The following SMCO2 variants were observed in gnomAD, a reference collection of about 807,000 sequenced individuals.
The protein encoded by SMCO2 is single-pass membrane protein with coiled-coil domains 2.
Under a neutral mutation model 29.5 loss-of-function variants are expected in SMCO2, and 25 were observed. The ratio of observed to expected loss-of-function variants is 0.85; its 90% CI spans 0.62 to 1.18. The LOEUF (loss-of-function observed/expected upper bound fraction) is 1.18, where lower values mean the gene tolerates loss of function less well. Among genes scored for constraint, SMCO2 ranks in the 50% most tolerant of loss-of-function variants. SMCO2 has a pLI of 0.00. For synonymous variants in SMCO2, 117 were observed against 123.3 expected (o/e 0.95, Z 0.34); for missense variants, 348 against 344.5 (o/e 1.01, Z -0.08).
chr12:27,481,370 A>T (rs1276974741), intron 4 of SMCO2, among the ~76,000 whole-genome samples: 1 of 152,272 alleles, frequency 6.6e-6, no homozygotes, highest in African/African-American at 2.4e-5. Flanking sequence ...AATGTGGACC[A>T]CTAGGGATCT....
At chr12:27,452,194 T>G in the SMCO2 span, among the ~76,000 whole-genome samples, 3 of 152,204 alleles carry the variant, frequency 2.0e-5, no homozygotes, top group Admixed American at 2.0e-4. Context: ...TTGTATAAAT[T>G]AAGTTTGTAT....
the SMCO2 span, among the ~76,000 whole-genome samples, chr12:27,431,703 G>A: frequency 6.6e-6 from 1 of 152,140 alleles, no homozygotes; most frequent in Admixed American, 6.5e-5. Flanking sequence ...AATGCTGCCA[G>A]GAGCATGGGT....
At chr12:27,484,849 C>T (rs1296441282) in intron 4 of SMCO2, among the ~76,000 whole-genome samples, 4 of 30,368 alleles carry the variant, frequency 1.3e-4, no homozygotes, top group African/African-American at 6.4e-4. Flanking sequence ...AAGACTCCAT[C>T]TCAAAAAAAA....
chr12:27,457,350 G>A, the SMCO2 span, among the ~76,000 whole-genome samples: 54 of 152,056 alleles, frequency 3.6e-4, no homozygotes, highest in Non-Finnish European at 6.8e-4. Flanking sequence ...TCTCATTGGG[G>A]CCCCCAAATT....
chr12:27,471,538 A>G (rs994372881), intron 2 of SMCO2, among the ~76,000 whole-genome samples: 1 of 152,158 alleles, frequency 6.6e-6, no homozygotes, highest in Non-Finnish European at 1.5e-5. Flanking sequence ...TCAAAAGCAT[A>G]CGAGAGGGAA....
chr12:27,475,762 A>G, intron 4 of SMCO2, 31 bp downstream of exon 5: 6 of 1,438,978 alleles, frequency 4.2e-6, no homozygotes, highest in Non-Finnish European at 5.5e-6. Flanking sequence ...TTGGTCATAA[A>G]ATAGCAGAAA....
At chr12:27,500,040 A>G (rs1296825079) in intron 7 of SMCO2, among the ~76,000 whole-genome samples, 1 of 150,708 alleles carries the variant, frequency 6.6e-6, no homozygotes, top group Non-Finnish European at 1.5e-5. Flanking sequence ...AGTTAAAAGA[A>G]TATTTTATTA....
At chr12:27,494,398 A>T in intron 6 of SMCO2, 42 bp downstream of exon 7, 3 of 1,411,664 alleles carry the variant, frequency 2.1e-6, no homozygotes, top group Non-Finnish European at 2.9e-6. Flanking sequence ...ATAAAATCAG[A>T]TAATTTATGT....
At chr12:27,445,946 C>G in the SMCO2 span, among the ~76,000 whole-genome samples, 1 of 151,690 alleles carries the variant, frequency 6.6e-6, no homozygotes, top group African/African-American at 2.4e-5. Flanking sequence ...CTCTGTCGCC[C>G]AGTCTGGAGT....
chr12:27,464,774 C>A (rs1172282349), upstream of SMCO2, among the ~76,000 whole-genome samples: 2 of 143,898 alleles, frequency 1.4e-5, no homozygotes, highest in Admixed American at 7.1e-5. Flanking sequence ...GTAATCCCAG[C>A]ACTTTGGGAG....
the SMCO2 span, among the ~76,000 whole-genome samples, chr12:27,459,714 T>C: frequency 1.3e-5 from 2 of 152,240 alleles, no homozygotes; most frequent in Non-Finnish European, 2.9e-5. Context: ...GGGTATCATT[T>C]AGGGTGTGGG....
the SMCO2 span, among the ~76,000 whole-genome samples, chr12:27,445,903 C>T: frequency 6.6e-6 from 1 of 151,624 alleles, no homozygotes; most frequent in Non-Finnish European, 1.5e-5. Context: ...TTTTCTTTCT[C>T]TCTCTCTCTT....
At position 27,501,140 on chromosome 12, in the gene SMCO2, G is replaced by A. The variant is rs559937730; in HGVS notation, c.684-783G>A. ...GATTTAAAAAAGCTTCTATTGGCCG[G>A]GCGCGGTGGCTCACGCCTGTAATCC... On this transcript the variant is annotated intron_variant, in intron 7 of 7. Coordinates refer to ENST00000298876, the Ensembl canonical transcript of SMCO2. Among the ~76,000 whole-genome samples, 30 of 150,478 alleles carry A rather than the reference G, an allele frequency of 2.0e-4. 1 individual carries two copies. The Middle Eastern group carries it at 0.01, about 52-fold the overall frequency.
At chr12:27,477,545 A>G (rs1949598963) in intron 4 of SMCO2, among the ~76,000 whole-genome samples, 1 of 140,118 alleles carries the variant, frequency 7.1e-6, no homozygotes, top group Non-Finnish European at 1.5e-5. Flanking sequence ...TTGCCCACTT[A>G]TTCTCTATCT....
intron 4 of SMCO2, among the ~76,000 whole-genome samples, chr12:27,482,307 T>C (rs918937845): frequency 2.6e-5 from 4 of 152,196 alleles, no homozygotes; most frequent in African/African-American, 9.7e-5. Flanking sequence ...TAATGTTTTA[T>C]ATTTTGAGAT....
intron 2 of SMCO2, among the ~76,000 whole-genome samples, chr12:27,472,526 T>C (rs549620227): frequency 7.3e-4 from 111 of 152,306 alleles, no homozygotes; most frequent in African/African-American, 2.5e-3. Flanking sequence ...TGCAATTACT[T>C]TGGAATTTGG....
At chr12:27,444,591 A>T in the SMCO2 span, among the ~76,000 whole-genome samples, 1 of 152,140 alleles carries the variant, frequency 6.6e-6, no homozygotes, top group South Asian at 2.1e-4. Flanking sequence ...ATTTGTAAAC[A>T]TCACTAAATC....
At position 27,477,209 on chromosome 12, in the gene SMCO2, GGTTTTTTT is replaced by G. The variant is rs1448255811; in HGVS notation, c.362+2297_362+2304del. Among the ~76,000 whole-genome samples, 114 of 134,062 alleles carry G rather than the reference GGTTTTTTT, an allele frequency of 8.5e-4. 2 individuals carry two copies. Among genetic ancestry groups the G allele is most frequent in the African/African-American group, 2.9e-3 (106 of 36,622 alleles). The allele number at this position is 134,062 out of a possible 152,430, so 87.9% of individuals were successfully genotyped here. On this transcript the variant is annotated intron_variant, in intron 4 of 7. Coordinates refer to ENST00000298876, the Ensembl canonical transcript of SMCO2. ...CTGGGTATAGTATTCTTGGCTGTCA[GGTTTTTTT>G]TTTTTTTTTTTTTTTTTTCCTCTCA...
At chr12:27,443,614 A>C in the SMCO2 span, among the ~76,000 whole-genome samples, 3 of 152,226 alleles carry the variant, frequency 2.0e-5, no homozygotes, top group African/African-American at 7.2e-5. Flanking sequence ...TACCTAGAGA[A>C]ACCTAAAGAC....
Sources: allele counts gnomAD v4.1 joint callset (sites outside exome capture counted in the v4.1 genomes callset), GRCh38; gene constraint gnomAD v4.1.1; transcripts MANE v1.5; gene names NCBI Gene and HGNC (gene_info 2026-07-23, HGNC 2026-07-21).